The following DNAH5 variants were observed in gnomAD, a reference collection of about 807,000 sequenced individuals.
DNAH5 encodes axonemal beta dynein heavy chain 5.
Under a neutral mutation model 518.2 loss-of-function variants are expected in DNAH5, and 372 were observed. That is an observed-to-expected ratio of 0.72 (90% confidence interval 0.66 to 0.78). The LOEUF is 0.78. Ranked by LOEUF, DNAH5 falls within the 30% of genes least tolerant of loss-of-function variation. The probability of loss-of-function intolerance (pLI) is 0.00; values close to 1 mark genes in which losing one functional copy is unlikely to be tolerated. For missense variants in DNAH5, 5,523 were observed against 5,687.0 expected (o/e 0.97, Z 0.93); for synonymous variants, 2,039 against 2,025.9 (o/e 1.01, Z -0.17).
At chr5:13,931,452 T>C (rs756679138) in intron 1 of DNAH5, among the ~76,000 whole-genome samples, 8 of 152,200 alleles carry the variant, frequency 5.3e-5, no homozygotes, top group African/African-American at 7.2e-5. Context: ...TGTTGTGAAA[T>C]TGCAGAATAC....
At position 13,769,066 on chromosome 5, in the gene DNAH5, T is replaced by A. The variant is rs1302721216; in HGVS notation, c.9791A>T (p.Asp3264Val). ...GCTGTCCACAATGGCCTGGGCCCTG[T>A]CCTTCACCTTCTGTACCTCAGCCTT... ...KVKAEVQKVK[D>V]RAQAIVDSIS... Residue 3264 changes from aspartate to valine, a missense_variant, in exon 58 of 79, where the codon GAC (aspartate) becomes GTC (valine). Around this residue, in one of 3 missense-constraint regions of DNAH5, gnomAD observed 5,121 missense variants for 5,223.3 expected, o/e 0.98. Coordinates refer to ENST00000265104, the MANE Select transcript of DNAH5 (RefSeq NM_001369.3). The A allele has an allele frequency of 6.2e-7, 1 of 1,614,222 alleles. No individual in the cohort carries two copies. The highest frequency in any genetic ancestry group is 1.7e-5 in the Admixed American group (1 of 60,024).
Position 13,840,998 on chromosome 5 carries a change from C to T in DNAH5, c.5617G>A (p.Val1873Ile), listed in dbSNP as rs570589076. 1.7e-5 allele frequency: 27 copies of T among 1,614,114 alleles called. No homozygotes were observed. Among genetic ancestry groups the T allele is most frequent in the African/African-American group, 5.3e-5 (4 of 75,038 alleles). ...GTGGAACTCAGATCCCTCGTGGTGA[C>T]GTCTATCAATGTATTGAGTAGCTCC... ...FLELLNTLIDVTTRDLSSTER... is the reference protein window; with the variant it reads ...FLELLNTLIDITTRDLSSTER... The change falls in exon 34 of 79, where the codon GTC (valine) becomes ATC (isoleucine). Residue 1873 changes from valine (V) to isoleucine (I), a missense_variant. By Grantham distance (29) the Val-to-Ile change is conservative. This residue lies in a region of DNAH5 where 5,121 missense variants were observed against 5,223.3 expected (regional missense o/e 0.98). Transcript: ENST00000265104.
intron 17 of DNAH5, among the ~76,000 whole-genome samples, chr5:13,888,952 A>G (rs942523334): frequency 6.6e-6 from 1 of 152,220 alleles, no homozygotes; most frequent in African/African-American, 2.4e-5. Flanking sequence ...AACTCAACAG[A>G]ATATTCTGAA....
intron 78 of DNAH5, among the ~76,000 whole-genome samples, chr5:13,698,624 A>G (rs936367437): frequency 6.6e-6 from 1 of 152,226 alleles, no homozygotes; most frequent in African/African-American, 2.4e-5. Context: ...TGTTTTCTCC[A>G]TAAGGCACAG....
intron 38 of DNAH5, among the ~76,000 whole-genome samples, chr5:13,826,920 C>T (rs918149963): frequency 1.3e-5 from 2 of 152,164 alleles, no homozygotes; most frequent in African/African-American, 2.4e-5. Context: ...GACATGAAAA[C>T]GTTTGCAACT....
Position 13,737,311 on chromosome 5 carries a change from A to C in DNAH5, c.11396T>G (p.Leu3799Arg). ...AACTTCTGTCTCAGCAGAAATTTCT[A>C]GCTTCTGTGTCACCTCCTCGGCTGT... ...KRTAEEVTQK[L>R]EISAETEVQI... The change falls in exon 66 of 79, where the codon CTA (leucine) becomes CGA (arginine). Residue 3799 changes from leucine to arginine, a missense_variant. Coordinates refer to ENST00000265104, the MANE Select transcript of DNAH5 (RefSeq NM_001369.3). 1.2e-6 allele frequency: 2 copies of C among 1,614,128 alleles called. No individual in the cohort carries two copies. The highest frequency in any genetic ancestry group is 1.7e-6 in the Non-Finnish European group (2 of 1,180,004).
At chr5:13,748,996 C>G (rs777355605) in intron 65 of DNAH5, among the ~76,000 whole-genome samples, 23 of 151,952 alleles carry the variant, frequency 1.5e-4, no homozygotes, top group Non-Finnish European at 2.8e-4. Flanking sequence ...GGGATCAACT[C>G]AGACCCATCT....
chr5:13,749,216 A>G (rs1420647087), intron 65 of DNAH5, among the ~76,000 whole-genome samples: 1 of 151,020 alleles, frequency 6.6e-6, no homozygotes, highest in Non-Finnish European at 1.5e-5. Context: ...TGTTCACATT[A>G]TAAAAGAAAA....
At chr5:13,732,457 C>G (rs542898078) in intron 68 of DNAH5, among the ~76,000 whole-genome samples, 3 of 152,114 alleles carry the variant, frequency 2.0e-5, no homozygotes, top group African/African-American at 7.2e-5. Context: ...ACCTCCGCCT[C>G]CCAGGTTCAA....
chr5:13,979,070 T>C (rs1782483833), intron 1 of DNAH5, among the ~76,000 whole-genome samples: 1 of 152,068 alleles, frequency 6.6e-6, no homozygotes, highest in Non-Finnish European at 1.5e-5. Flanking sequence ...CCCTAGTTCC[T>C]TCCCCCTGCT....
intron 15 of DNAH5, 45 bp from the exon 16 acceptor site, chr5:13,894,866 T>C (rs1773712582): frequency 6.3e-7 from 1 of 1,584,836 alleles, no homozygotes; most frequent in Non-Finnish European, 8.6e-7. Context: ...ATCTCACTTC[T>C]AATGTCTGTT....
At chr5:13,944,969 C>A (rs1156857418), upstream of DNAH5, among the ~76,000 whole-genome samples, 1 of 152,226 alleles carries the variant, frequency 6.6e-6, no homozygotes, top group African/African-American at 2.4e-5. Flanking sequence ...GTGTAAACAA[C>A]TTTGCAAGCA....
chr5:13,735,065 C>G (rs1176771066), intron 68 of DNAH5, 66 bp downstream of exon 68: 1 of 1,488,080 alleles, frequency 6.7e-7, no homozygotes, highest in Non-Finnish European at 9.3e-7. Context: ...AAATGTACTG[C>G]AAAGGGCTTT....
chr5:13,711,163 C>A (rs1330135150), intron 75 of DNAH5, among the ~76,000 whole-genome samples: 1 of 152,050 alleles, frequency 6.6e-6, no homozygotes, highest in Non-Finnish European at 1.5e-5. Context: ...AAAAAGATAA[C>A]CCAGCATGAT....
chr5:13,988,940 C>A (rs1783278398), intron 1 of DNAH5, among the ~76,000 whole-genome samples: 1 of 135,616 alleles, frequency 7.4e-6, no homozygotes, highest in African/African-American at 2.7e-5. Context: ...GTTGGCCAGG[C>A]CTGGTCTCAA....
rs1379658319 is a variant in DNAH5, at chr5:13,900,261, G to C, written c.2204C>G (p.Ala735Gly). ...AQMGLEVSPL[A>G]TSLFQKRDRY... is the part of the protein sequence containing the mutation. The stretch of plus-strand genomic sequence containing the variant: ...ATCTCGTTTCTGGAAGAGGGAAGTT[G>C]CCAGTGGAGAGACTTCCAGACCCAT... Residue 735 changes from alanine (A) to glycine (G), a missense_variant, in exon 15 of 79, where the codon GCA becomes GGA. By Grantham distance (60) the Ala-to-Gly change is moderately conservative (BLOSUM62 0). Transcript: ENST00000265104. 4 of 1,614,136 alleles carry C rather than the reference G, an allele frequency of 2.5e-6. No individual in the cohort carries two copies. Among genetic ancestry groups the C allele is most frequent in the Non-Finnish European group, 3.4e-6 (4 of 1,179,966 alleles).
At chr5:13,732,718 G>A (rs1314089494) in intron 68 of DNAH5, among the ~76,000 whole-genome samples, 1 of 152,022 alleles carries the variant, frequency 6.6e-6, no homozygotes, top group East Asian at 1.9e-4. Context: ...CTGCCCCTAT[G>A]ACCTAATCAC....
intron 1 of DNAH5, among the ~76,000 whole-genome samples, chr5:14,000,356 C>G (rs865996386): frequency 1.3e-5 from 2 of 152,356 alleles, no homozygotes; most frequent in Middle Eastern, 3.4e-3. Flanking sequence ...GAGCACGGCC[C>G]TTGCCAACAC....
Position 13,718,876 on chromosome 5 carries a change from A to G in DNAH5, c.12499+6T>C. 6.2e-7 allele frequency: 1 copy of G among 1,606,586 alleles called. No homozygotes were observed. Among genetic ancestry groups the G allele is most frequent in the Non-Finnish European group, 8.5e-7 (1 of 1,173,158 alleles). On this transcript the variant is annotated splice_donor_region_variant and intron_variant, in intron 72 of 78. Coordinates refer to ENST00000265104, the MANE Select transcript of DNAH5 (RefSeq NM_001369.3). The stretch of plus-strand genomic sequence containing the variant: ...CCTGTAGACTCGCAAGTATTTCTGG[A>G]CTCACCACTATATGTTCTTTTCAGT...
Sources: allele counts gnomAD v4.1 joint callset (sites outside exome capture counted in the v4.1 genomes callset), GRCh38; gene constraint gnomAD v4.1.1; regional missense constraint gnomAD v4.1.1; transcripts MANE v1.5; gene names NCBI Gene and HGNC (gene_info 2026-07-23, HGNC 2026-07-21).